The following GBF1 variants were observed in gnomAD, a reference collection of about 807,000 sequenced individuals.
The protein encoded by GBF1 is Golgi-specific brefeldin A-resistance guanine nucleotide exchange factor 1.
GBF1 carries 114 observed loss-of-function variants against 210.5 expected under a neutral mutation model. The ratio of observed to expected loss-of-function variants is 0.54; its 90% CI spans 0.47 to 0.63. The LOEUF (loss-of-function observed/expected upper bound fraction) is 0.63. Among genes scored for constraint, GBF1 ranks in the 30% least tolerant of loss-of-function variants. GBF1 has a pLI of 0.00. For missense variants in GBF1, 1,851 were observed against 2,357.7 expected (o/e 0.79, Z 4.45); for synonymous variants, 850 against 889.2 (o/e 0.96, Z 0.78).
At chr10:102,324,266 C>T (rs2056704727) in intron 3 of GBF1, among the ~76,000 whole-genome samples, 1 of 152,148 alleles carries the variant, frequency 6.6e-6, no homozygotes, top group Admixed American at 6.6e-5. Context: ...GGACGTTGCT[C>T]AACAGAATGG....
chr10:102,350,310 A>C (rs2058864471), intron 4 of GBF1, among the ~76,000 whole-genome samples: 1 of 151,906 alleles, frequency 6.6e-6, no homozygotes, highest in East Asian at 1.9e-4. Context: ...GGATCTCACC[A>C]TAGCACTCCA....
intron 3 of GBF1, among the ~76,000 whole-genome samples, chr10:102,303,432 G>A (rs552631878): frequency 1.3e-5 from 2 of 152,270 alleles, no homozygotes; most frequent in South Asian, 2.1e-4. Flanking sequence ...ACCATAAATG[G>A]CCCTGGTGTA....
At position 102,380,582 on chromosome 10, in the gene GBF1, C is replaced by T; in HGVS notation, c.5069C>T (p.Ala1690Val). 1 of 1,613,870 alleles carries T rather than the reference C, an allele frequency of 6.2e-7. No homozygotes were observed. The highest frequency in any genetic ancestry group is 8.5e-7 in the Non-Finnish European group (1 of 1,179,812). Residue 1690 changes from alanine (A) to valine (V), a missense_variant, in exon 38 of 40, where the codon GCA (alanine) becomes GTA (valine). Transcript: ENST00000369983. ...GCGGAGATTTTCCACAGTGCAGATG[C>T]ACGGGGAGGCGGCCCCTCGGCCCTC... The part of the protein sequence containing the change: ...DTAEIFHSAD[A>V]RGGGPSALWE...
intron 1 of GBF1, among the ~76,000 whole-genome samples, chr10:102,253,766 G>C (rs2071940587): frequency 6.6e-6 from 1 of 152,146 alleles, no homozygotes; most frequent in Admixed American, 6.5e-5. Flanking sequence ...CTCCTGCATC[G>C]GCCTCCTAAA....
At chr10:102,247,871 G>A (rs921797834) in intron 1 of GBF1, among the ~76,000 whole-genome samples, 6 of 152,204 alleles carry the variant, frequency 3.9e-5, no homozygotes, top group Non-Finnish European at 7.3e-5. Context: ...CTCCTCAGTA[G>A]CTGGGCACCA....
Position 102,368,460 on chromosome 10 carries a change from C to G in GBF1, c.2879+6C>G. ...AAAGCCATCTCAGGCTTCAGGTAGCCCAGCTTTGGCCTTGGTCTTCACCTC... is the reference window on the plus strand; with the variant it reads ...AAAGCCATCTCAGGCTTCAGGTAGCGCAGCTTTGGCCTTGGTCTTCACCTC... On this transcript the variant is annotated splice_donor_region_variant and intron_variant, in intron 22 of 39. Transcript: ENST00000369983. 1 of 1,520,450 alleles carries G rather than the reference C, an allele frequency of 6.6e-7. No individual in the cohort carries two copies. The highest frequency in any genetic ancestry group is 9.1e-7 in the Non-Finnish European group (1 of 1,095,042). 94.2% of individuals were successfully genotyped at this position (1,520,450 alleles called of 1,614,324 possible).
intron 13 of GBF1, 64 bp from the exon 14 acceptor site, chr10:102,361,654 A>AT (rs2059611238): frequency 2.6e-6 from 3 of 1,169,532 alleles, no homozygotes; most frequent in Non-Finnish European, 2.4e-6. Context: ...TTCCTGTCTA[A>AT]TTTTTTCTCT....
At chr10:102,306,662 G>A (rs1433661900) in intron 3 of GBF1, among the ~76,000 whole-genome samples, 1 of 152,240 alleles carries the variant, frequency 6.6e-6, no homozygotes, top group Non-Finnish European at 1.5e-5. Context: ...GACTGCAGGT[G>A]ATCTGCCCAC....
intron 3 of GBF1, among the ~76,000 whole-genome samples, chr10:102,308,922 A>G (rs1395444945): frequency 6.6e-6 from 1 of 152,118 alleles, no homozygotes; most frequent in African/African-American, 2.4e-5. Context: ...AGGAGCTTCT[A>G]CTTCATGATG....
chr10:102,339,179 A>G (rs1355476464), intron 3 of GBF1, among the ~76,000 whole-genome samples: 2 of 152,188 alleles, frequency 1.3e-5, no homozygotes, highest in Non-Finnish European at 2.9e-5. Flanking sequence ...CCTGGCCAAC[A>G]TGGCAAAATC....
rs1292396810 is a variant in GBF1, at chr10:102,351,839, A to T, written c.415-4A>T. The stretch of plus-strand genomic sequence containing the variant: ...TCACAGTAATTCCTTTTTCTTCCTG[A>T]TAGGTTCTACGGACTCTGCTGCTAA... On this transcript the variant is annotated splice_region_variant and splice_polypyrimidine_tract_variant and intron_variant, in intron 5 of 39. Transcript: ENST00000369983. 1 of 1,532,662 alleles carries T rather than the reference A, an allele frequency of 6.5e-7. No homozygotes were observed. The highest frequency in any genetic ancestry group is 1.1e-5 in the South Asian group (1 of 89,422). 94.9% of individuals were successfully genotyped at this position (1,532,662 alleles called of 1,614,324 possible). A position where few individuals can be genotyped will look rare whatever the true frequency, so the allele number is the denominator to read the frequency against.
chr10:102,272,386 T>C (rs1473803664), intron 3 of GBF1, among the ~76,000 whole-genome samples: 1 of 152,254 alleles, frequency 6.6e-6, no homozygotes, highest in African/African-American at 2.4e-5. Flanking sequence ...ATTACAGGCA[T>C]GAGCCACTGC....
chr10:102,378,662 G>A (rs2060655273), intron 33 of GBF1, among the ~76,000 whole-genome samples: 1 of 151,988 alleles, frequency 6.6e-6, no homozygotes, highest in Non-Finnish European at 1.5e-5. Context: ...ATAAAATTAG[G>A]CCGGGCATGG....
intron 39 of GBF1, among the ~76,000 whole-genome samples, chr10:102,381,538 G>A (rs576322155): frequency 1.2e-4 from 18 of 152,190 alleles, no homozygotes; most frequent in African/African-American, 4.1e-4. Flanking sequence ...AGAGTAACCT[G>A]GCGGCCAGGC....
At chr10:102,334,110 G>T (rs946740675) in intron 3 of GBF1, among the ~76,000 whole-genome samples, 2 of 152,198 alleles carry the variant, frequency 1.3e-5, no homozygotes, top group Non-Finnish European at 2.9e-5. Flanking sequence ...GCAGGGTAAA[G>T]AACATGCATG....
intron 3 of GBF1, among the ~76,000 whole-genome samples, chr10:102,276,033 T>G (rs1387219980): frequency 6.7e-6 from 1 of 149,542 alleles, no homozygotes; most frequent in African/African-American, 2.5e-5. Context: ...GGTTAGGAGT[T>G]CTAGACCAGC....
chr10:102,376,491 C>A, intron 31 of GBF1, 59 bp downstream of exon 31: 2 of 1,610,482 alleles, frequency 1.2e-6, no homozygotes. Context: ...GGAAGAATTC[C>A]TGGTCCTCTG....
rs201067456 is a variant in GBF1, at chr10:102,381,199, C to A, written c.5246C>A (p.Thr1749Asn). Residue 1749 changes from threonine (T) to asparagine (N), a missense_variant, in exon 39 of 40, where the codon ACT (threonine) becomes AAT (asparagine). This residue lies in a region of GBF1 where 967 missense variants were observed against 1,247.7 expected (regional missense o/e 0.78). Coordinates refer to ENST00000369983, the MANE Select transcript of GBF1 (RefSeq NM_001377137.1). ...CACCTGACTTCCGCTGCTGGCGACA[C>A]TAGGACACCTGGCCATCCACCGCCC... ...SAHLTSAAGD[T>N]RTPGHPPPPE... 6.2e-7 allele frequency: 1 copy of A among 1,613,848 alleles called. No individual in the cohort carries two copies. Among genetic ancestry groups the A allele is most frequent in the Non-Finnish European group, 8.5e-7 (1 of 1,179,938 alleles).
At chr10:102,253,210 A>G (rs1256432678) in intron 1 of GBF1, among the ~76,000 whole-genome samples, 1 of 152,102 alleles carries the variant, frequency 6.6e-6, no homozygotes, top group African/African-American at 2.4e-5. Flanking sequence ...GCTATTTTAG[A>G]CAAAGAATAT....
Sources: allele counts gnomAD v4.1 joint callset (sites outside exome capture counted in the v4.1 genomes callset), GRCh38; gene constraint gnomAD v4.1.1; regional missense constraint gnomAD v4.1.1; transcripts MANE v1.5; gene names NCBI Gene and HGNC (gene_info 2026-07-23, HGNC 2026-07-21).